Variants in CHST11 observed in about 807,000 individuals in gnomAD.
CHST11 encodes the protein carbohydrate sulfotransferase 11, also known as C4S-1.
In CHST11, 9 loss-of-function variants were observed where a neutral mutation model predicts 30.4. That is an observed-to-expected ratio of 0.30 (90% CI 0.18 to 0.52). The LOEUF (loss-of-function observed/expected upper bound fraction) is 0.52. Among genes scored for constraint, CHST11 ranks in the 20% least tolerant of loss-of-function variants. The probability of loss-of-function intolerance (pLI) is 0.97; values close to 1 mark genes in which losing one functional copy is unlikely to be tolerated. For synonymous variants in CHST11, 152 were observed against 187.8 expected (o/e 0.81, Z 1.56); for missense variants, 348 against 460.6 (o/e 0.76, Z 2.24).
chr12:104,514,476 C>A, intron 1 of CHST11: 2 of 725,482 alleles, frequency 2.8e-6, no homozygotes, highest in Non-Finnish European at 5.0e-6. Flanking sequence ...CCTGCTGCTA[C>A]GACTCCATAC....
chr12:104,566,704 G>C (rs994225110), intron 1 of CHST11, among the ~76,000 whole-genome samples: 2 of 152,026 alleles, frequency 1.3e-5, no homozygotes, highest in African/African-American at 4.8e-5. Context: ...GAAAGAATAG[G>C]TCTTTAGAAA....
intron 2 of CHST11, among the ~76,000 whole-genome samples, chr12:104,734,149 G>A (rs2040279760): frequency 6.6e-6 from 1 of 152,242 alleles, no homozygotes; most frequent in South Asian, 2.1e-4. Context: ...GCGCCAGAGG[G>A]GCACAGGGAG....
chr12:104,721,289 C>T (rs975064714), intron 2 of CHST11, among the ~76,000 whole-genome samples: 1 of 152,106 alleles, frequency 6.6e-6, no homozygotes, highest in African/African-American at 2.4e-5. Flanking sequence ...CTTTCTCTCC[C>T]ACACAGATAC....
At chr12:104,507,334 T>G (rs1397219111) in intron 1 of CHST11, among the ~76,000 whole-genome samples, 1 of 152,236 alleles carries the variant, frequency 6.6e-6, no homozygotes, top group Non-Finnish European at 1.5e-5. Flanking sequence ...CCAGGCAGCA[T>G]GCTTTGCCTC....
At chr12:104,557,368 C>A (rs1292043043) in intron 1 of CHST11, among the ~76,000 whole-genome samples, 5 of 152,082 alleles carry the variant, frequency 3.3e-5, no homozygotes, top group African/African-American at 1.2e-4. Flanking sequence ...GCTTATAGGC[C>A]TTGGTAAAGG....
intron 1 of CHST11, among the ~76,000 whole-genome samples, chr12:104,475,204 C>T (rs1200674536): frequency 6.6e-6 from 1 of 152,116 alleles, no homozygotes; most frequent in African/African-American, 2.4e-5. Context: ...ATCCAGCACT[C>T]AAACATTTAT....
intron 1 of CHST11, among the ~76,000 whole-genome samples, chr12:104,536,875 A>C (rs1174315425): frequency 2.0e-5 from 3 of 152,176 alleles, no homozygotes; most frequent in East Asian, 1.9e-4. Context: ...TGTGCCTGGA[A>C]CATGTTTGAT....
At chr12:104,569,184 C>T (rs772386788) in intron 1 of CHST11, among the ~76,000 whole-genome samples, 2 of 152,150 alleles carry the variant, frequency 1.3e-5, no homozygotes, top group Admixed American at 6.5e-5. Flanking sequence ...AAAAGTGAAA[C>T]TACTAGCTTA....
intron 1 of CHST11, among the ~76,000 whole-genome samples, chr12:104,588,290 T>A (rs1269818036): frequency 1.3e-5 from 2 of 152,244 alleles, no homozygotes; most frequent in Admixed American, 1.3e-4. Context: ...GTCTACTTTC[T>A]GTGTCTATGT....
At chr12:104,464,066 A>G (rs1048716002) in intron 1 of CHST11, among the ~76,000 whole-genome samples, 1 of 140,652 alleles carries the variant, frequency 7.1e-6, no homozygotes, top group African/African-American at 2.8e-5. Context: ...TCCTACTTGC[A>G]CTTTTTTTTT....
chr12:104,711,447 C>A (rs938659315), intron 2 of CHST11, among the ~76,000 whole-genome samples: 3 of 152,148 alleles, frequency 2.0e-5, no homozygotes, highest in African/African-American at 7.2e-5. Flanking sequence ...TTCCCTTATA[C>A]TGTGAATAAA....
At chr12:104,509,122 G>A (rs2037937420) in intron 1 of CHST11, among the ~76,000 whole-genome samples, 2 of 152,178 alleles carry the variant, frequency 1.3e-5, no homozygotes, top group East Asian at 3.9e-4. Context: ...CCTGTGGGAG[G>A]TCATTGAACC....
intron 1 of CHST11, among the ~76,000 whole-genome samples, chr12:104,548,324 T>C (rs2038372307): frequency 6.6e-6 from 1 of 152,160 alleles, no homozygotes. Context: ...GGGGAAAAAT[T>C]CTGATTTGTA....
At chr12:104,554,739 C>T (rs994584439) in intron 1 of CHST11, among the ~76,000 whole-genome samples, 2 of 152,224 alleles carry the variant, frequency 1.3e-5, no homozygotes, top group African/African-American at 4.8e-5. Context: ...ACAGAGGCTT[C>T]CATGACTTAA....
At chr12:104,457,887 G>T (rs1391465442) in intron 1 of CHST11, among the ~76,000 whole-genome samples, 1 of 151,892 alleles carries the variant, frequency 6.6e-6, no homozygotes, top group Non-Finnish European at 1.5e-5. Flanking sequence ...GCAACCGGGG[G>T]TGAGGGGCTG....
At chr12:104,550,561 A>G (rs553546930) in intron 1 of CHST11, among the ~76,000 whole-genome samples, 2 of 152,270 alleles carry the variant, frequency 1.3e-5, no homozygotes, top group South Asian at 4.1e-4. Context: ...GTCACCCAAT[A>G]ACACTGTTTA....
rs562302819 is a variant in CHST11 at position 104,596,682 on chromosome 12, A to G, written c.119-5224A>G. ...ACTAGATGATATCATTATTACATCTAACTTAAAGTGTTTTTTTATGAGGAT... is the reference window on the plus strand; with the variant it reads ...ACTAGATGATATCATTATTACATCTGACTTAAAGTGTTTTTTTATGAGGAT... On this transcript the variant is annotated intron_variant, in intron 1 of 2. Coordinates refer to ENST00000303694, the MANE Select transcript of CHST11 (RefSeq NM_018413.6). Among the ~76,000 whole-genome samples the G allele has an allele frequency of 2.0e-5, 3 of 152,292 alleles. No homozygotes were observed. The South Asian group carries it at 6.2e-4, about 32-fold the overall frequency.
At chr12:104,570,802 T>C (rs996585031) in intron 1 of CHST11, among the ~76,000 whole-genome samples, 1 of 151,822 alleles carries the variant, frequency 6.6e-6, no homozygotes, top group Non-Finnish European at 1.5e-5. Flanking sequence ...GTGAATCTCC[T>C]GCCTCAGCCT....
chr12:104,694,090 CAA>C (rs1183364941), intron 2 of CHST11, among the ~76,000 whole-genome samples: 1 of 152,188 alleles, frequency 6.6e-6, no homozygotes, highest in Non-Finnish European at 1.5e-5. Context: ...ACATTTATCT[CAA>C]AGTTTGTGGT....
Sources: allele counts gnomAD v4.1 joint callset (sites outside exome capture counted in the v4.1 genomes callset), GRCh38; gene constraint gnomAD v4.1.1; transcripts MANE v1.5; gene names NCBI Gene and HGNC (gene_info 2026-07-23, HGNC 2026-07-21).